The following CELF5 variants were observed in gnomAD, a reference collection of about 807,000 sequenced individuals.
CELF5 encodes CUGBP Elav-like family member 5, also known as CUG-BP and ETR-3 like factor 5.
Under a neutral mutation model 54.9 loss-of-function variants are expected in CELF5, and 6 were observed. The ratio of observed to expected loss-of-function variants is 0.11; its 90% confidence interval spans 0.06 to 0.22. CELF5 has a LOEUF of 0.22. Among genes scored for constraint, CELF5 ranks in the 10% least tolerant of loss-of-function variants. The pLI is 1.00. For missense variants in CELF5, 401 were observed against 678.6 expected, an observed-to-expected ratio of 0.59 and a Z score of 4.54; for synonymous variants, 271 against 290.9, an observed-to-expected ratio of 0.93 and a Z score of 0.70.
At chr19:3,289,365 G>A (rs1169620489) in intron 10 of CELF5, among the ~76,000 whole-genome samples, 4 of 152,176 alleles carry the variant, frequency 2.6e-5, no homozygotes, top group Non-Finnish European at 4.4e-5. Flanking sequence ...AGATTAGCCT[G>A]GGCAACATAG....
rs1197360910 is a variant in CELF5, at chr19:3,281,484, T to C, written c.750+139T>C. ...GGCGTGGCTGAACCCCAACTCCAAA[T>C]TGAGACCAAGCTCAGACCGAGCCCC... On this transcript the variant is annotated intron_variant, in intron 6 of 12. Coordinates refer to ENST00000292672, the MANE Select transcript of CELF5 (RefSeq NM_021938.4). This position sits in a 1 kb window ranked among gnomAD's most constrained non-coding sequence, Gnocchi z 6.5. 1 of 924,048 alleles carries C rather than the reference T, an allele frequency of 1.1e-6. No individual in the cohort carries two copies. The highest frequency in any genetic ancestry group is 2.5e-5 in the East Asian group (1 of 39,804). The allele number at this position is 924,048 out of a possible 1,614,324, so 57.2% of individuals were successfully genotyped here.
intron 10 of CELF5, among the ~76,000 whole-genome samples, chr19:3,289,966 C>T (rs1447763832): frequency 6.6e-6 from 1 of 151,946 alleles, no homozygotes; most frequent in Non-Finnish European, 1.5e-5. Context: ...GCAGGGGATC[C>T]CCTGGGTCTT....
intron 10 of CELF5, among the ~76,000 whole-genome samples, chr19:3,288,380 G>C (rs187739446): frequency 1.3e-5 from 2 of 151,898 alleles, no homozygotes; most frequent in Admixed American, 1.3e-4. Context: ...AAATTAGCCG[G>C]GCGTGGTGAC....
At chr19:3,266,524 A>G (rs2079884508) in intron 2 of CELF5, among the ~76,000 whole-genome samples, 1 of 152,090 alleles carries the variant, frequency 6.6e-6, no homozygotes, top group Admixed American at 6.5e-5. Context: ...GTATTCCAGG[A>G]TGCAAATACG....
chr19:3,231,463 TG>T, intron 1 of CELF5, among the ~76,000 whole-genome samples: 1 of 147,872 alleles, frequency 6.8e-6, no homozygotes, highest in Non-Finnish European at 1.5e-5. Flanking sequence ...GATGGATGGA[TG>T]GATGGATGGA....
intron 3 of CELF5, among the ~76,000 whole-genome samples, chr19:3,274,751 CAG>C (rs2080020066): frequency 6.6e-6 from 1 of 152,098 alleles, no homozygotes; most frequent in Non-Finnish European, 1.5e-5. Context: ...AGGCATGGAG[CAG>C]GAGTGTTAGG....
At chr19:3,258,985 G>T (rs1008478081) in intron 2 of CELF5, among the ~76,000 whole-genome samples, 1 of 152,158 alleles carries the variant, frequency 6.6e-6, no homozygotes, top group Non-Finnish European at 1.5e-5. Flanking sequence ...AAATGTCAGG[G>T]TGACCCAGGG....
At position 3,268,549 on chromosome 19, in the gene CELF5, C is replaced by T. The variant is rs1194857906; in HGVS notation, c.343-5323C>T. 6.6e-6 allele frequency among the ~76,000 whole-genome samples: 1 copy of T among 152,132 alleles called. No homozygotes were observed. Among genetic ancestry groups the T allele is most frequent in the African/African-American group, 2.4e-5 (1 of 41,410 alleles). On this transcript the variant is annotated intron_variant, in intron 2 of 12. Transcript: ENST00000292672. The surrounding 1 kb of genome is among the most constrained non-coding windows in gnomAD (Gnocchi z 4.4). ...TGACTTCCCGTGCCAGGCACTGTGCCCGGCATGCTCTTGGCTGATGGGGAT... is the reference window on the plus strand; with the variant it reads ...TGACTTCCCGTGCCAGGCACTGTGCTCGGCATGCTCTTGGCTGATGGGGAT...
rs1377049451 is a variant in CELF5, at chr19:3,293,380, C to A, written c.1392C>A (p.Phe464Leu). Reference protein sequence around the residue: ...AQAAIQAMNGFQIGMKRLKVQ... With the variant: ...AQAAIQAMNGLQIGMKRLKVQ... ...CAGCCATCCAGGCCATGAACGGCTT[C>A]CAGATCGGCATGAAGAGGCTCAAAG... The change falls in exon 12 of 13, where the codon TTC becomes TTA. Residue 464 changes from phenylalanine to leucine, a missense_variant. By Grantham distance (22) the Phe-to-Leu change is conservative. Around this residue, in one of 6 missense-constraint regions of CELF5, gnomAD observed 59 missense variants for 128.8 expected, o/e 0.46. Transcript: ENST00000292672. 1 of 1,614,038 alleles carries A rather than the reference C, an allele frequency of 6.2e-7. No homozygotes were observed. Among genetic ancestry groups the A allele is most frequent in the Non-Finnish European group, 8.5e-7 (1 of 1,180,000 alleles).
Position 3,273,866 on chromosome 19 carries a change from C to G in CELF5, c.343-6C>G. 1 of 1,613,044 alleles carries G rather than the reference C, an allele frequency of 6.2e-7. No homozygotes were observed. Among genetic ancestry groups the G allele is most frequent in the Non-Finnish European group, 8.5e-7 (1 of 1,179,096 alleles). ...CTTGACTTTTCCCTTCCCCCTCTCT[C>G]TGCAGATGGCGCGGCCAATCCAGGT... is the stretch of plus-strand genomic sequence containing the variant. On this transcript the variant is annotated splice_region_variant and splice_polypyrimidine_tract_variant and intron_variant, in intron 2 of 12. Transcript: ENST00000292672.
intron 2 of CELF5, among the ~76,000 whole-genome samples, chr19:3,260,560 T>A (rs1019859805): frequency 6.6e-6 from 1 of 151,842 alleles, no homozygotes; most frequent in Admixed American, 6.6e-5. Flanking sequence ...GTTCAAGCAA[T>A]TCTCCTGCCT....
intron 1 of CELF5, among the ~76,000 whole-genome samples, chr19:3,241,844 C>T (rs1297405182): frequency 2.6e-5 from 4 of 152,120 alleles, no homozygotes; most frequent in Admixed American, 6.5e-5. Context: ...GGCGCGACCT[C>T]GGCTCACTGC....
chr19:3,252,712 T>G (rs544149252), intron 2 of CELF5, among the ~76,000 whole-genome samples: 1 of 152,156 alleles, frequency 6.6e-6, no homozygotes, highest in East Asian at 1.9e-4. Flanking sequence ...TGCTTGGTCT[T>G]GAAGAATAGA....
chr19:3,226,198 T>C (rs1916898131), intron 1 of CELF5, among the ~76,000 whole-genome samples: 1 of 152,108 alleles, frequency 6.6e-6, no homozygotes, highest in African/African-American at 2.4e-5. Context: ...CATGACCTAT[T>C]TTACACCCAC....
intron 5 of CELF5, among the ~76,000 whole-genome samples, chr19:3,280,372 A>T (rs1010712397): frequency 3.3e-5 from 5 of 151,604 alleles, no homozygotes; most frequent in Admixed American, 2.0e-4. Flanking sequence ...GGAGTTAGAG[A>T]CCAGCCTGGC....
intron 1 of CELF5, among the ~76,000 whole-genome samples, chr19:3,247,963 C>T (rs1002290116): frequency 1.2e-4 from 18 of 152,004 alleles, no homozygotes; most frequent in African/African-American, 4.3e-4. Flanking sequence ...TGGAGTTTCG[C>T]CTTTTGGGCC....
intron 9 of CELF5, 124 bp from the exon 10 acceptor site, chr19:3,285,818 A>T: frequency 4.7e-6 from 1 of 211,528 alleles, no homozygotes; most frequent in Non-Finnish European, 8.5e-6. Flanking sequence ...AAAGGCCATG[A>T]TCACACCCAC....
chr19:3,261,604 G>A (rs2079807278), intron 2 of CELF5, among the ~76,000 whole-genome samples: 1 of 152,004 alleles, frequency 6.6e-6, no homozygotes, highest in Admixed American at 6.6e-5. Context: ...AGGATTGCTT[G>A]AGCCCAGGAG....
chr19:3,293,522 C>A, intron 12 of CELF5, 36 bp downstream of exon 12: 2 of 1,545,076 alleles, frequency 1.3e-6, no homozygotes, highest in Non-Finnish European at 1.8e-6. Context: ...CGCCCAAGCC[C>A]CCCGTCTTGT....
Sources: gnomAD v4.1 joint callset for allele counts (sites outside exome capture counted in the v4.1 genomes callset) on GRCh38, gnomAD v4.1.1 for gene constraint, gnomAD v4.1.1 regional missense constraint, Gnocchi (gnomAD v3.1) non-coding constraint, MANE v1.5 for transcripts, NCBI Gene and HGNC (gene_info 2026-07-23, HGNC 2026-07-21) for gene names.